The following CNTNAP2 variants were observed in gnomAD, a reference collection of about 807,000 sequenced individuals.
The protein encoded by CNTNAP2 is contactin associated protein 2, also known as contactin-associated protein-like 2.
CNTNAP2 carries 98 observed loss-of-function variants against 155.2 expected under a neutral mutation model. The ratio of observed to expected loss-of-function variants is 0.63; its 90% confidence interval spans 0.54 to 0.75. CNTNAP2 has a LOEUF of 0.75. Among genes scored for constraint, CNTNAP2 ranks in the 30% least tolerant of loss-of-function variants. The pLI is 0.00. For synonymous variants in CNTNAP2, 651 were observed against 631.2 expected, an observed-to-expected ratio of 1.03 and a Z score of -0.47; for missense variants, 1,727 against 1,688.1, an observed-to-expected ratio of 1.02 and a Z score of -0.40.
chr7:146,848,176 G>C (rs7780905), intron 3 of CNTNAP2, among the ~76,000 whole-genome samples: 51,396 of 151,920 alleles, frequency 0.34, 9,122 homozygotes, highest in African/African-American at 0.47. Flanking sequence ...TACAGTTTAG[G>C]AAGACTCACA....
chr7:147,333,899 C>T (rs1292824245), intron 9 of CNTNAP2, among the ~76,000 whole-genome samples: 1 of 152,114 alleles, frequency 6.6e-6, no homozygotes, highest in South Asian at 2.1e-4. Context: ...CCCAAGTCAT[C>T]GGTCCAGGGA....
At chr7:147,726,570 T>A (rs1796648235) in intron 13 of CNTNAP2, among the ~76,000 whole-genome samples, 1 of 151,964 alleles carries the variant, frequency 6.6e-6, no homozygotes, top group Admixed American at 6.6e-5. Context: ...ACTGCAGACA[T>A]CTGGGCAGCA....
At chr7:146,337,025 T>C (rs1233862726) in intron 1 of CNTNAP2, among the ~76,000 whole-genome samples, 2 of 152,196 alleles carry the variant, frequency 1.3e-5, no homozygotes, top group African/African-American at 4.8e-5. Context: ...GATTAACTGA[T>C]ATAAACTATA....
chr7:146,482,003 C>T (rs1796966530), intron 1 of CNTNAP2, among the ~76,000 whole-genome samples: 1 of 151,822 alleles, frequency 6.6e-6, no homozygotes, highest in African/African-American at 2.4e-5. Flanking sequence ...TCAAAGCATG[C>T]CTATATATAA....
chr7:147,930,991 G>A (rs925986129), intron 14 of CNTNAP2, among the ~76,000 whole-genome samples: 2 of 152,078 alleles, frequency 1.3e-5, no homozygotes, highest in African/African-American at 4.8e-5. Flanking sequence ...AATGTCTCAC[G>A]ACAAATAAAA....
intron 11 of CNTNAP2, among the ~76,000 whole-genome samples, chr7:147,524,247 G>A (rs1029455689): frequency 2.0e-5 from 3 of 152,178 alleles, no homozygotes; most frequent in Admixed American, 6.5e-5. Flanking sequence ...GTGGCTAGCC[G>A]GGCATGGTGG....
chr7:148,238,964 T>C (rs1796095188), intron 20 of CNTNAP2, among the ~76,000 whole-genome samples: 1 of 152,222 alleles, frequency 6.6e-6, no homozygotes. Flanking sequence ...TTAAGGAAAA[T>C]AACACAGTTT....
rs1390953449 is a variant in CNTNAP2, at chr7:148,197,009, A to G, written c.3011-20279A>G. Among the ~76,000 whole-genome samples, 13 of 152,316 alleles carry G rather than the reference A, an allele frequency of 8.5e-5. No homozygotes were observed. The East Asian group carries it at 2.5e-3, about 29-fold the overall frequency. ...GCAAATTTCTAAAAGGAAAAAAAAC[A>G]ATGTTAAACACGAGTGCCAGTTTAT... On this transcript the variant is annotated intron_variant, in intron 18 of 23. Transcript: ENST00000361727.
At chr7:146,408,333 G>A (rs1795821342) in intron 1 of CNTNAP2, among the ~76,000 whole-genome samples, 2 of 152,022 alleles carry the variant, frequency 1.3e-5, no homozygotes, top group Admixed American at 1.3e-4. Flanking sequence ...TAAACTGGTT[G>A]CAAAAAATGT....
intron 11 of CNTNAP2, among the ~76,000 whole-genome samples, chr7:147,512,568 G>C (rs963995202): frequency 2.0e-5 from 3 of 152,046 alleles, no homozygotes; most frequent in East Asian, 1.9e-4. Context: ...ATATTGCAAA[G>C]AGATTTTTAA....
intron 22 of CNTNAP2, among the ~76,000 whole-genome samples, chr7:148,401,685 G>C (rs756294712): frequency 6.6e-6 from 1 of 151,542 alleles, no homozygotes; most frequent in East Asian, 1.9e-4. Flanking sequence ...TGCAATCTCC[G>C]CTTCCCGGGT....
At chr7:148,053,780 A>C (rs939199646) in intron 15 of CNTNAP2, among the ~76,000 whole-genome samples, 3 of 152,144 alleles carry the variant, frequency 2.0e-5, no homozygotes, top group Non-Finnish European at 2.9e-5. Context: ...AAAGGTAATA[A>C]GTTTTATGGA....
intron 14 of CNTNAP2, among the ~76,000 whole-genome samples, chr7:147,914,166 A>G (rs537342183): frequency 6.6e-6 from 1 of 152,334 alleles, no homozygotes; most frequent in African/African-American, 2.4e-5. Flanking sequence ...ACTTGCACAG[A>G]AAGATGGCCA....
At chr7:147,346,149 TTTTA>T (rs569707878) in intron 9 of CNTNAP2, among the ~76,000 whole-genome samples, 53,098 of 104,144 alleles carry the variant, frequency 0.51, 10,690 homozygotes, top group African/African-American at 0.64. Context: ...TTTTATTTTA[TTTTA>T]TTTTTTTTTT....
At chr7:148,218,188 A>G (rs1795680699) in intron 19 of CNTNAP2, among the ~76,000 whole-genome samples, 2 of 152,240 alleles carry the variant, frequency 1.3e-5, no homozygotes, top group African/African-American at 4.8e-5. Flanking sequence ...TAAATGTGCT[A>G]AACAGAGATG....
At chr7:148,128,535 A>G (rs901202854) in intron 16 of CNTNAP2, among the ~76,000 whole-genome samples, 2 of 152,194 alleles carry the variant, frequency 1.3e-5, no homozygotes, top group Admixed American at 1.3e-4. Flanking sequence ...TTTGTTCTTA[A>G]TAAATATTAA....
intron 13 of CNTNAP2, among the ~76,000 whole-genome samples, chr7:147,753,739 G>A (rs1797174528): frequency 6.6e-6 from 1 of 152,148 alleles, no homozygotes; most frequent in Non-Finnish European, 1.5e-5. Flanking sequence ...TCACTACATG[G>A]AATTTAGGGA....
intron 14 of CNTNAP2, among the ~76,000 whole-genome samples, chr7:147,939,424 G>A (rs1240155306): frequency 2.0e-5 from 3 of 152,058 alleles, no homozygotes; most frequent in South Asian, 2.1e-4. Flanking sequence ...TGCCTCCCGG[G>A]TTCAAGCGAT....
At chr7:146,487,827 C>G (rs1026094723) in intron 1 of CNTNAP2, among the ~76,000 whole-genome samples, 10 of 152,150 alleles carry the variant, frequency 6.6e-5, no homozygotes, top group African/African-American at 2.4e-4. Flanking sequence ...AAGAGCCCAG[C>G]TCCACGTGCT....
Sources: allele counts gnomAD v4.1 joint callset (sites outside exome capture counted in the v4.1 genomes callset), GRCh38; gene constraint gnomAD v4.1.1; transcripts MANE v1.5; gene names NCBI Gene and HGNC (gene_info 2026-07-23, HGNC 2026-07-21).